Variants in TOX observed in about 807,000 individuals in gnomAD.
TOX encodes the protein thymocyte selection associated high mobility group box.
A neutral mutation model predicts 53.7 loss-of-function variants in TOX; 11 were observed. That is an observed-to-expected ratio of 0.20 (90% confidence interval 0.13 to 0.34). TOX has a LOEUF of 0.34. Among genes scored for constraint, TOX ranks in the 10% least tolerant of loss-of-function variants. TOX has a pLI of 1.00. For missense variants in TOX, 570 were observed against 664.6 expected (o/e 0.86, Z 1.56); for synonymous variants, 225 against 245.3 (o/e 0.92, Z 0.77).
intron 6 of TOX, among the ~76,000 whole-genome samples, chr8:58,819,505 A>T (rs527907491): frequency 4.6e-4 from 70 of 152,316 alleles, no homozygotes; most frequent in Non-Finnish European, 8.2e-4. Flanking sequence ...TACAAGCCAT[A>T]AAGTGGGGGT....
intron 1 of TOX, among the ~76,000 whole-genome samples, chr8:58,994,553 G>C (rs954199622): frequency 6.6e-6 from 1 of 152,042 alleles, no homozygotes; most frequent in Admixed American, 6.6e-5. Context: ...TGAATGACTG[G>C]TAATTTCCTA....
chr8:58,977,555 C>T (rs1813124100), intron 1 of TOX, among the ~76,000 whole-genome samples: 1 of 152,172 alleles, frequency 6.6e-6, no homozygotes, highest in South Asian at 2.1e-4. Context: ...CACAAAAGGC[C>T]TAGCTTGGCT....
chr8:58,981,760 A>C (rs927472478), intron 1 of TOX, among the ~76,000 whole-genome samples: 2 of 151,850 alleles, frequency 1.3e-5, no homozygotes, highest in Non-Finnish European at 2.9e-5. Flanking sequence ...TTCATCTCCA[A>C]ATTTTTGTTG....
chr8:58,828,648 T>G (rs1810401970), intron 5 of TOX, among the ~76,000 whole-genome samples: 1 of 152,110 alleles, frequency 6.6e-6, no homozygotes, highest in South Asian at 2.1e-4. Flanking sequence ...CTTTGAACAG[T>G]GTGATCTGTG....
chr8:59,077,971 G>A (rs1408093542), intron 1 of TOX, among the ~76,000 whole-genome samples: 1 of 152,078 alleles, frequency 6.6e-6, no homozygotes, highest in African/African-American at 2.4e-5. Flanking sequence ...TACGTGCGCT[G>A]TTCACAGGGA....
chr8:59,104,047 T>A (rs1586021562), intron 1 of TOX, among the ~76,000 whole-genome samples: 1 of 152,250 alleles, frequency 6.6e-6, no homozygotes, highest in Admixed American at 6.5e-5. Context: ...TAAAAGGTTA[T>A]CTTTCATTGA....
chr8:58,825,406 G>A (rs563596649), intron 6 of TOX, among the ~76,000 whole-genome samples: 6 of 152,268 alleles, frequency 3.9e-5, no homozygotes, highest in Non-Finnish European at 8.8e-5. Context: ...CGTACACTGC[G>A]GGTTGCAACT....
chr8:58,897,015 A>G (rs1037007933), intron 3 of TOX, among the ~76,000 whole-genome samples: 1 of 152,218 alleles, frequency 6.6e-6, no homozygotes, highest in Non-Finnish European at 1.5e-5. Context: ...TATAGCTCTG[A>G]GTGTAATTCT....
chr8:59,063,305 G>A (rs771399718), intron 1 of TOX, among the ~76,000 whole-genome samples: 1 of 151,896 alleles, frequency 6.6e-6, no homozygotes, highest in Non-Finnish European at 1.5e-5. Flanking sequence ...AAGAGCTAAT[G>A]ACTGCTTATT....
intron 1 of TOX, among the ~76,000 whole-genome samples, chr8:59,031,444 C>A (rs191000582): frequency 6.6e-6 from 1 of 152,134 alleles, no homozygotes; most frequent in African/African-American, 2.4e-5. Context: ...ACTGAGCACA[C>A]GCTATGTTCC....
At chr8:58,828,709 G>A (rs1301020376) in intron 5 of TOX, among the ~76,000 whole-genome samples, 1 of 151,950 alleles carries the variant, frequency 6.6e-6, no homozygotes, top group Non-Finnish European at 1.5e-5. Flanking sequence ...GCTTTTCATT[G>A]ATTTATTTTT....
At position 58,937,216 on chromosome 8, in the gene TOX, A is replaced by G. The variant is rs149666632; in HGVS notation, c.411+2086T>C. On this transcript the variant is annotated intron_variant, in intron 3 of 8. Coordinates refer to ENST00000361421, the MANE Select transcript of TOX (RefSeq NM_014729.3). ...CCAAACAGGCTCATCTTCAAGAACT[A>G]GAATAGCAAATCAGAGCTTCATTCC... Among the ~76,000 whole-genome samples, 980 of 152,346 alleles carry G rather than the reference A, an allele frequency of 6.4e-3. 13 individuals carry two copies. The highest frequency in any genetic ancestry group is 0.022 in the African/African-American group (932 of 41,580).
intron 1 of TOX, among the ~76,000 whole-genome samples, chr8:59,066,113 C>A (rs1401301290): frequency 1.3e-5 from 2 of 152,150 alleles, no homozygotes; most frequent in South Asian, 4.1e-4. Flanking sequence ...GAAAACAGAA[C>A]CACCCTCTTC....
intron 5 of TOX, among the ~76,000 whole-genome samples, chr8:58,827,836 T>G (rs542754769): frequency 2.6e-5 from 4 of 152,230 alleles, no homozygotes; most frequent in Non-Finnish European, 5.9e-5. Context: ...ATTAAGTTGA[T>G]TCTTTCAAGG....
At chr8:59,047,200 A>AT (rs1563429080) in intron 1 of TOX, among the ~76,000 whole-genome samples, 5 of 115,276 alleles carry the variant, frequency 4.3e-5, no homozygotes, top group South Asian at 2.8e-4. Context: ...TCCACCAAGA[A>AT]TTGTTTTTTT....
intron 3 of TOX, among the ~76,000 whole-genome samples, chr8:58,927,853 G>A (rs1478101020): frequency 2.0e-5 from 3 of 152,136 alleles, no homozygotes; most frequent in African/African-American, 7.2e-5. Context: ...GTGCAGAGAG[G>A]TGGAATCACT....
chr8:58,829,852 C>A (rs826731), intron 5 of TOX, among the ~76,000 whole-genome samples: 4,558 of 151,196 alleles, frequency 0.03, 98 homozygotes, highest in Admixed American at 0.045. Context: ...TAAAAATTAT[C>A]AAAAAAAAAT....
At chr8:59,089,873 C>T (rs1804580582) in intron 1 of TOX, among the ~76,000 whole-genome samples, 1 of 152,198 alleles carries the variant, frequency 6.6e-6, no homozygotes, top group African/African-American at 2.4e-5. Context: ...TGTGAGCCAC[C>T]ATGCCCAGCC....
intron 3 of TOX, among the ~76,000 whole-genome samples, chr8:58,935,083 CTG>C (rs1812320332): frequency 6.6e-6 from 1 of 152,120 alleles, no homozygotes; most frequent in African/African-American, 2.4e-5. Context: ...AATGGTGAAA[CTG>C]TATCACTTAT....
Sources: allele counts gnomAD v4.1 joint callset (sites outside exome capture counted in the v4.1 genomes callset), GRCh38; gene constraint gnomAD v4.1.1; transcripts MANE v1.5; gene names NCBI Gene and HGNC (gene_info 2026-07-23, HGNC 2026-07-21).